The following HOMER1 variants were observed in gnomAD, a reference collection of about 807,000 sequenced individuals.
HOMER1 encodes homer scaffold protein 1, also known as homer protein homolog 1.
In HOMER1, 3 loss-of-function variants were observed where a neutral mutation model predicts 48.9. The ratio of observed to expected loss-of-function variants is 0.06; its 90% confidence interval spans 0.03 to 0.16. The LOEUF (loss-of-function observed/expected upper bound fraction) is 0.16. HOMER1 is among the 10% of genes least tolerant of loss of function. The pLI is 1.00. For synonymous variants in HOMER1, 134 were observed against 146.4 expected (o/e 0.92, Z 0.61); for missense variants, 247 against 411.4 (o/e 0.60, Z 3.46).
At chr5:79,469,571 C>A (rs1751564199) in intron 1 of HOMER1, among the ~76,000 whole-genome samples, 1 of 152,142 alleles carries the variant, frequency 6.6e-6, no homozygotes. Flanking sequence ...GTCATACAGT[C>A]TCAATTTCCC....
At chr5:79,502,606 G>C (rs188615661) in intron 1 of HOMER1, among the ~76,000 whole-genome samples, 7 of 151,988 alleles carry the variant, frequency 4.6e-5, no homozygotes, top group Non-Finnish European at 1.0e-4. Flanking sequence ...ATCTAATTTC[G>C]TATCCTGATT....
At chr5:79,432,935 T>G (rs556902426) in intron 5 of HOMER1, among the ~76,000 whole-genome samples, 19 of 152,298 alleles carry the variant, frequency 1.2e-4, no homozygotes, top group African/African-American at 3.8e-4. Context: ...TAATCTAGTT[T>G]TTGAGGTTTG....
At chr5:79,464,886 A>G (rs1484964515) in intron 1 of HOMER1, among the ~76,000 whole-genome samples, 2 of 152,212 alleles carry the variant, frequency 1.3e-5, no homozygotes, top group African/African-American at 4.8e-5. Context: ...TACCCAACAC[A>G]TAATTATACT....
At chr5:79,418,054 G>A (rs1383508347) in intron 5 of HOMER1, among the ~76,000 whole-genome samples, 1 of 152,216 alleles carries the variant, frequency 6.6e-6, no homozygotes, top group Non-Finnish European at 1.5e-5. Context: ...TGTTTTTGAA[G>A]AGGAGGCCAG....
intron 6 of HOMER1, among the ~76,000 whole-genome samples, chr5:79,398,740 C>A (rs1419281522): frequency 6.6e-6 from 1 of 152,142 alleles, no homozygotes. Context: ...TTGGCCCCAA[C>A]CTTCTCAACC....
At chr5:79,427,074 T>C (rs1214412300) in intron 5 of HOMER1, among the ~76,000 whole-genome samples, 1 of 152,226 alleles carries the variant, frequency 6.6e-6, no homozygotes, top group African/African-American at 2.4e-5. Flanking sequence ...TATACAAGTA[T>C]GCTGAATACT....
intron 5 of HOMER1, among the ~76,000 whole-genome samples, chr5:79,427,198 C>T (rs1232783319): frequency 3.3e-5 from 5 of 151,850 alleles, no homozygotes; most frequent in South Asian, 2.1e-4. Context: ...AATCATCAGC[C>T]GACATTTATA....
At chr5:79,496,576 T>G (rs1052404485) in intron 1 of HOMER1, among the ~76,000 whole-genome samples, 8 of 152,180 alleles carry the variant, frequency 5.3e-5, no homozygotes, top group African/African-American at 1.9e-4. Flanking sequence ...AAAAGAATTT[T>G]AGCCAGTTCA....
chr5:79,390,805 G>A (rs1334159729), intron 8 of HOMER1, among the ~76,000 whole-genome samples: 1 of 151,880 alleles, frequency 6.6e-6, no homozygotes, highest in Non-Finnish European at 1.5e-5. Context: ...CCTTCCACCA[G>A]GAAATTAAGG....
At chr5:79,484,160 T>C (rs1018779105) in intron 1 of HOMER1, among the ~76,000 whole-genome samples, 10 of 151,886 alleles carry the variant, frequency 6.6e-5, no homozygotes, top group Non-Finnish European at 1.5e-5. Context: ...TATGAAGTAG[T>C]AAAATGGATC....
intron 1 of HOMER1, among the ~76,000 whole-genome samples, chr5:79,491,254 A>G (rs1752268262): frequency 6.6e-6 from 1 of 151,382 alleles, no homozygotes; most frequent in Non-Finnish European, 1.5e-5. Context: ...CAACATGACA[A>G]AACCCCATCT....
intron 1 of HOMER1, chr5:79,511,036 A>C: frequency 3.3e-6 from 1 of 300,792 alleles, no homozygotes; most frequent in Non-Finnish European, 6.1e-6. Context: ...AATTCATCCT[A>C]AGCTTCCCTT....
rs1475131111 is a variant in HOMER1 at position 79,420,055 on chromosome 5, T to C, written c.528-18000A>G. ...TTATTTAGACATGTGATGCTAGTAT[T>C]GTGACGGTCATGTACAACTAAATAG... On this transcript the variant is annotated intron_variant, in intron 5 of 8. Transcript: ENST00000334082. Among the ~76,000 whole-genome samples, 6 of 152,368 alleles carry C rather than the reference T, an allele frequency of 3.9e-5. No homozygotes were observed. In the East Asian group the frequency reaches 1.2e-3, roughly 29 times the overall value.
chr5:79,464,662 C>G (rs990853588), intron 1 of HOMER1, among the ~76,000 whole-genome samples: 7 of 152,200 alleles, frequency 4.6e-5, no homozygotes, highest in African/African-American at 1.4e-4. Context: ...CACCTCCTCT[C>G]TTTCTCATAC....
intron 5 of HOMER1, among the ~76,000 whole-genome samples, chr5:79,405,956 A>G (rs987775363): frequency 3.3e-5 from 5 of 152,226 alleles, no homozygotes; most frequent in Non-Finnish European, 7.3e-5. Context: ...ATACGGTAAC[A>G]GGGATTTCAT....
At chr5:79,412,065 G>C (rs573713512) in intron 5 of HOMER1, among the ~76,000 whole-genome samples, 18 of 152,350 alleles carry the variant, frequency 1.2e-4, no homozygotes, top group African/African-American at 4.3e-4. Context: ...GTTGCAGTGA[G>C]TGGAGATCAT....
intron 5 of HOMER1, among the ~76,000 whole-genome samples, chr5:79,429,967 G>C (rs191503445): frequency 1.3e-5 from 2 of 151,336 alleles, no homozygotes; most frequent in Non-Finnish European, 2.9e-5. Context: ...AGCTTGCAGT[G>C]AGCCGAGATT....
intron 5 of HOMER1, among the ~76,000 whole-genome samples, chr5:79,405,243 C>T (rs1192314000): frequency 6.6e-6 from 1 of 152,072 alleles, no homozygotes; most frequent in Non-Finnish European, 1.5e-5. Context: ...GAGACGACAG[C>T]CATCTACAAG....
chr5:79,485,320 T>C (rs1053545200), intron 1 of HOMER1, among the ~76,000 whole-genome samples: 3 of 152,178 alleles, frequency 2.0e-5, no homozygotes, highest in African/African-American at 7.2e-5. Context: ...TTTTAAAGTA[T>C]GGGGAGGGTA....
Sources: gnomAD v4.1 joint callset for allele counts (sites outside exome capture counted in the v4.1 genomes callset) on GRCh38, gnomAD v4.1.1 for gene constraint, MANE v1.5 for transcripts, NCBI Gene and HGNC (gene_info 2026-07-23, HGNC 2026-07-21) for gene names.